SLC15A3: variants seen among roughly 807,000 people sequenced by gnomAD.
SLC15A3 encodes the protein solute carrier family 15 member 3.
A neutral mutation model predicts 49.2 loss-of-function variants in SLC15A3; 39 were observed. That is an observed-to-expected ratio of 0.79 (90% CI 0.61 to 1.04). The LOEUF is 1.04. SLC15A3 is among the 50% of genes least tolerant of loss of function. The pLI is 0.00. For synonymous variants in SLC15A3, 339 were observed against 367.0 expected (o/e 0.92, Z 0.87); for missense variants, 758 against 794.8 (o/e 0.95, Z 0.56).
At chr11:60,946,217 C>A (rs1326369557) in intron 2 of SLC15A3, among the ~76,000 whole-genome samples, 1 of 152,104 alleles carries the variant, frequency 6.6e-6, no homozygotes, top group Non-Finnish European at 1.5e-5. Context: ...TGGTCTCGAA[C>A]TCCCAGGCTC....
intron 3 of SLC15A3, 70 bp downstream of exon 3, chr11:60,943,619 T>G: frequency 2.9e-5 from 40 of 1,397,650 alleles, no homozygotes; most frequent in Non-Finnish European, 3.6e-5. Flanking sequence ...GCCTCTGTGA[T>G]GAGAAATGAG....
At chr11:60,950,592 A>G (rs1314613781) in intron 1 of SLC15A3, among the ~76,000 whole-genome samples, 3 of 151,238 alleles carry the variant, frequency 2.0e-5, no homozygotes, top group African/African-American at 4.9e-5. Context: ...GTTCAAGACC[A>G]ACATGGTGAA....
chr11:60,942,073 T>C lies in SLC15A3; in HGVS notation c.1069A>G (p.Ile357Val). 1 of 1,614,046 alleles carries C rather than the reference T, an allele frequency of 6.2e-7. No individual in the cohort carries two copies. The highest frequency in any genetic ancestry group is 8.5e-7 in the Non-Finnish European group (1 of 1,179,960). Residue 357 changes from isoleucine to valine, a missense_variant, in exon 4 of 8, where the codon ATC (isoleucine) becomes GTC (valine). Ile to Val is a conservative substitution (Grantham distance 29, BLOSUM62 3). Around this residue, in one of 3 missense-constraint regions of SLC15A3, gnomAD observed 699 missense variants for 706.7 expected, o/e 0.99. Transcript: ENST00000227880. ...CCCTGGGCTCTCAGGGCCACAGAGA[T>C]GTTGGCCGGGTTGGCTGGGAAAATG... ...PNIFPANPAN[I>V]SVALRAQGSS...
At chr11:60,945,887 TC>T (rs1856794088) in intron 2 of SLC15A3, among the ~76,000 whole-genome samples, 1 of 152,232 alleles carries the variant, frequency 6.6e-6, no homozygotes, top group East Asian at 1.9e-4. Context: ...GCCACTGTCA[TC>T]CGCATTGCCA....
chr11:60,945,241 C>T (rs1040296788), intron 2 of SLC15A3, among the ~76,000 whole-genome samples: 1 of 152,216 alleles, frequency 6.6e-6, no homozygotes, highest in Non-Finnish European at 1.5e-5. Context: ...TAAGACCACA[C>T]GAATGGGAAC....
At chr11:60,937,562 T>C in intron 7 of SLC15A3, 189 bp from the exon 8 acceptor site, 1 of 789,532 alleles carries the variant, frequency 1.3e-6, no homozygotes, top group Non-Finnish European at 2.1e-6. Context: ...ACAATTCCTC[T>C]TCAGCTATTC....
At position 60,941,103 on chromosome 11, in the gene SLC15A3, C is replaced by A; in HGVS notation, c.1276+19G>T. On this transcript the variant is annotated intron_variant, in intron 5 of 7. Transcript: ENST00000227880. ...CCAAGCCCAAAGTTCAGCCCCCTGC[C>A]CCACACCCCTCTGCACACCTGCCAC... The A allele has an allele frequency of 6.2e-7, 1 of 1,603,706 alleles. No individual in the cohort carries two copies. The highest frequency in any genetic ancestry group is 1.1e-5 in the South Asian group (1 of 89,438).
chr11:60,947,774 C>T (rs1297246877), intron 1 of SLC15A3: 1 of 152,126 alleles, frequency 6.6e-6, no homozygotes, highest in Non-Finnish European at 1.5e-5. Flanking sequence ...AAAATCTTTA[C>T]CCAGAATTTG....
intron 1 of SLC15A3, among the ~76,000 whole-genome samples, chr11:60,948,337 A>C (rs1044152070): frequency 6.6e-6 from 1 of 152,206 alleles, no homozygotes; most frequent in Non-Finnish European, 1.5e-5. Context: ...GAAGTAAATG[A>C]ATGTGACTAT....
At chr11:60,949,682 G>A (rs1445816000) in intron 1 of SLC15A3, among the ~76,000 whole-genome samples, 1 of 152,258 alleles carries the variant, frequency 6.6e-6, no homozygotes, top group Non-Finnish European at 1.5e-5. Flanking sequence ...GTGCTGAATT[G>A]TGGGTGCCAA....
rs769755986 is a variant in SLC15A3 at position 60,951,104 on chromosome 11, G to T, written c.448C>A (p.Arg150Ser). ...GCGCAGTAGGGGCTGGGCGAGGAGC[G>T]CGGGCAGCCGGCCGAGGGGCAGGCA... ...GPACPSAGCP[R>S]SSPSPYCAPV... The change falls in exon 1 of 8, where the codon CGC becomes AGC. Residue 150 changes from arginine to serine, a missense_variant. This residue lies in a region of SLC15A3 where 699 missense variants were observed against 706.7 expected (regional missense o/e 0.99). Transcript: ENST00000227880. 4 of 1,475,788 alleles carry T rather than the reference G, an allele frequency of 2.7e-6. No individual in the cohort carries two copies. The African/African-American group carries it at 4.4e-5, about 16-fold the overall frequency. 91.4% of individuals were successfully genotyped at this position (1,475,788 alleles called of 1,614,324 possible). A position where few individuals can be genotyped will look rare whatever the true frequency, so the allele number is the denominator to read the frequency against.
intron 1 of SLC15A3, among the ~76,000 whole-genome samples, chr11:60,948,237 A>G (rs932594786): frequency 3.9e-5 from 6 of 152,330 alleles, no homozygotes; most frequent in African/African-American, 1.4e-4. Flanking sequence ...AGGGAGGGGC[A>G]TACCAGCTCA....
At chr11:60,938,444 G>T (rs1478504192) in intron 6 of SLC15A3, among the ~76,000 whole-genome samples, 1 of 151,742 alleles carries the variant, frequency 6.6e-6, no homozygotes, top group Non-Finnish European at 1.5e-5. Flanking sequence ...CTCTGCCCTG[G>T]GTCCAACCCC....
chr11:60,946,632 CG>C lies in SLC15A3; in HGVS notation c.747del (p.Val250SerfsTer65). 1 of 1,613,942 alleles carries C rather than the reference CG, an allele frequency of 6.2e-7. No individual in the cohort carries two copies. Among genetic ancestry groups the C allele is most frequent in the African/African-American group, 1.3e-5 (1 of 74,986 alleles). ...LAFFIFLFAT[P>X]VFITKPPMGS... is the part of the protein sequence containing the mutation. ...CCCATCGGGGGCTTGGTGATGAAGA[CG>C]GGGGTGGCAAAGAGGAAGATGAAAA... On this transcript the variant is annotated frameshift_variant, in exon 2 of 8. Coordinates refer to ENST00000227880, the MANE Select transcript of SLC15A3 (RefSeq NM_016582.3). LOFTEE classifies it high-confidence loss of function.
intron 5 of SLC15A3, chr11:60,940,510 C>G (rs1372358210): frequency 6.6e-6 from 1 of 152,234 alleles, no homozygotes; most frequent in Non-Finnish European, 1.5e-5. Context: ...CACAACACCC[C>G]CCATCAGACT....
In SLC15A3 at chr11:60,938,012, G is replaced by C; in HGVS notation, c.1449C>G (p.Ala483=). The change falls in exon 7 of 8, where the codon GCC becomes GCG. Residue 483 remains alanine, a synonymous_variant. Coordinates refer to ENST00000227880, the MANE Select transcript of SLC15A3 (RefSeq NM_016582.3). ...IFASIPGLEF[A]YSEAPRSMQG... ...GCATGGAGCGCGGGGCCTCTGAGTAGGCAAACTCCAGGCCTGCAGAGGGGG... is the reference window on the plus strand; with the variant it reads ...GCATGGAGCGCGGGGCCTCTGAGTACGCAAACTCCAGGCCTGCAGAGGGGG... The C allele has an allele frequency of 6.2e-7, 1 of 1,613,870 alleles. No homozygotes were observed. Among genetic ancestry groups the C allele is most frequent in the Admixed American group, 1.7e-5 (1 of 59,990 alleles).
chr11:60,943,080 C>A (rs1856742000), intron 3 of SLC15A3: 2 of 152,166 alleles, frequency 1.3e-5, no homozygotes, highest in Admixed American at 6.5e-5. Flanking sequence ...TGAAAAGTTT[C>A]TTAAACTAGA....
chr11:60,943,831 C>A lies in SLC15A3; in HGVS notation c.854G>T (p.Arg285Leu). ...GTCGGCCAGCACGCGGGCACATTGA[C>A]GGTCTCTGTGAGACCCCAGAGGCAG... ...QLWQRHSARD[R>L]QCARVLADER... The change falls in exon 3 of 8, where the codon CGT (arginine) becomes CTT (leucine). Residue 285 changes from arginine (R) to leucine (L), a missense_variant. By Grantham distance (102) the Arg-to-Leu change is moderately radical. Transcript: ENST00000227880. 6.3e-7 allele frequency: 1 copy of A among 1,582,534 alleles called. No homozygotes were observed. Among genetic ancestry groups the A allele is most frequent in the Non-Finnish European group, 8.6e-7 (1 of 1,161,740 alleles).
chr11:60,938,248 C>T, intron 6 of SLC15A3: 1 of 527,690 alleles, frequency 1.9e-6, no homozygotes, highest in Admixed American at 3.6e-5. Context: ...CCGGGGTACT[C>T]CATGCGCTGC....
Sources: gnomAD v4.1 joint callset for allele counts (sites outside exome capture counted in the v4.1 genomes callset) on GRCh38, gnomAD v4.1.1 for gene constraint, gnomAD v4.1.1 regional missense constraint, MANE v1.5 for transcripts, NCBI Gene and HGNC (gene_info 2026-07-23, HGNC 2026-07-21) for gene names.